Variants in FBXO17 observed in about 807,000 individuals in gnomAD.
FBXO17 encodes F-box protein 17.
A neutral mutation model predicts 34.1 loss-of-function variants in FBXO17; 43 were observed. The ratio of observed to expected loss-of-function variants is 1.26; its 90% CI spans 0.99 to 1.62. The LOEUF is 1.62. Among genes scored for constraint, FBXO17 ranks in the 40% most tolerant of loss-of-function variants. The probability of loss-of-function intolerance (pLI) is 0.00; values close to 1 mark genes in which losing one functional copy is unlikely to be tolerated. For synonymous variants in FBXO17, 169 were observed against 166.0 expected (o/e 1.02, Z -0.14); for missense variants, 424 against 386.7 (o/e 1.10, Z -0.81).
At chr19:38,951,806 C>T (rs553424527) in intron 1 of FBXO17, among the ~76,000 whole-genome samples, 31 of 124,222 alleles carry the variant, frequency 2.5e-4, no homozygotes, top group Non-Finnish European at 3.3e-5. Flanking sequence ...TGCACCACCA[C>T]ACCTGGCTAA....
At chr19:38,965,696 G>A (rs576130307) in intron 1 of FBXO17, among the ~76,000 whole-genome samples, 2 of 152,146 alleles carry the variant, frequency 1.3e-5, no homozygotes, top group East Asian at 1.9e-4. Flanking sequence ...TAGTAGAGAC[G>A]AGGTTTCGCC....
rs560937282 is a variant in FBXO17 at position 38,963,021 on chromosome 19, C to T, written c.-18+12565G>A. ...ATTGTGCCCAGTCTATTTCTACATT[C>T]GTTAGCATTCTCTTTATTTCTTAGT... On this transcript the variant is annotated intron_variant, in intron 1 of 5. Coordinates refer to ENST00000292852, the MANE Select transcript of FBXO17 (RefSeq NM_024907.7). Among the ~76,000 whole-genome samples the T allele has an allele frequency of 7.2e-5, 11 of 152,132 alleles. No individual in the cohort carries two copies. The South Asian group carries it at 1.5e-3, about 20-fold the overall frequency.
chr19:38,942,816 A>G (rs1037020574), intron 5 of FBXO17, 65 bp from the exon 6 acceptor site: 1 of 1,560,062 alleles, frequency 6.4e-7, no homozygotes, highest in Non-Finnish European at 8.6e-7. Flanking sequence ...CCACTTCAAC[A>G]GATAGGCCCA....
chr19:38,947,909 A>G (rs886846586), intron 3 of FBXO17, among the ~76,000 whole-genome samples: 18 of 151,218 alleles, frequency 1.2e-4, no homozygotes, highest in Admixed American at 1.1e-3. Context: ...TATCTATGTC[A>G]CAGGGTTGTT....
intron 3 of FBXO17, among the ~76,000 whole-genome samples, chr19:38,948,167 G>A (rs1020167611): frequency 6.6e-6 from 1 of 151,812 alleles, no homozygotes; most frequent in African/African-American, 2.4e-5. Context: ...GTAGAGACGG[G>A]GTTTCCCCCT....
chr19:38,957,337 T>C (rs2144828135), intron 1 of FBXO17, among the ~76,000 whole-genome samples: 1 of 152,192 alleles, frequency 6.6e-6, no homozygotes, highest in South Asian at 2.1e-4. Flanking sequence ...AGTTCTTAGT[T>C]CCCACTCTTC....
Position 38,949,988 on chromosome 19 carries a change from A to C in FBXO17, c.332T>G (p.Phe111Cys), listed in dbSNP as rs1278205411. ...LRAPFGRNLI[F>C]NSCGEQGFRG... The stretch of plus-strand genomic sequence containing the variant: ...TCACCCACGCTCTCCGCAGGAGTTG[A>C]AGATGAGATTGCGGCCGAAGGGCGC... The change falls in exon 2 of 6, where the codon TTC becomes TGC. Residue 111 changes from phenylalanine (F) to cysteine (C), a missense_variant. Phe to Cys is a radical substitution (Grantham distance 205, BLOSUM62 -2). Transcript: ENST00000292852. 2.6e-6 allele frequency: 4 copies of C among 1,548,166 alleles called. No homozygotes were observed. The highest frequency in any genetic ancestry group is 2.6e-6 in the Non-Finnish European group (3 of 1,148,284).
At chr19:38,946,884 T>G in intron 3 of FBXO17, 1 of 329,724 alleles carries the variant, frequency 3.0e-6, no homozygotes, top group African/African-American at 2.1e-5. Context: ...CTCTGTGGCC[T>G]CCTAAAGTGT....
Position 38,950,031 on chromosome 19 carries a change from C to T in FBXO17, c.289G>A (p.Ala97Thr). ...AAGGGCGCGCGCAGACAGTAGCGCG[C>T]CAGGGCGCACAGCGGGAACTCCTCC... Reference protein sequence around the residue: ...DKEEFPLCALARYCLRAPFGR... With the variant: ...DKEEFPLCALTRYCLRAPFGR... Residue 97 changes from alanine (A) to threonine (T), a missense_variant, in exon 2 of 6, where the codon GCG (alanine) becomes ACG (threonine). Coordinates refer to ENST00000292852, the MANE Select transcript of FBXO17 (RefSeq NM_024907.7). 6.4e-7 allele frequency: 1 copy of T among 1,564,962 alleles called. No homozygotes were observed. The highest frequency in any genetic ancestry group is 1.9e-5 in the Admixed American group (1 of 53,020).
At chr19:38,954,934 ATTATTATT>A (rs1247921247) in intron 1 of FBXO17, among the ~76,000 whole-genome samples, 6 of 117,068 alleles carry the variant, frequency 5.1e-5, no homozygotes, top group Non-Finnish European at 1.1e-4. Context: ...TATTATTATT[ATTATTATT>A]ATTTTTGAGA....
At chr19:38,968,405 G>A (rs1418387845) in intron 1 of FBXO17, among the ~76,000 whole-genome samples, 1 of 151,306 alleles carries the variant, frequency 6.6e-6, no homozygotes, top group Non-Finnish European at 1.5e-5. Flanking sequence ...AGGATCCCCT[G>A]AGTCCAGGAG....
intron 5 of FBXO17, among the ~76,000 whole-genome samples, chr19:38,943,897 C>A (rs1384115975): frequency 1.3e-5 from 2 of 152,146 alleles, no homozygotes; most frequent in Non-Finnish European, 2.9e-5. Flanking sequence ...GCCCAAAATT[C>A]ATTTTTTAAA....
intron 2 of FBXO17, 122 bp downstream of exon 2, chr19:38,949,849 G>A: frequency 1.6e-6 from 2 of 1,218,790 alleles, no homozygotes; most frequent in Non-Finnish European, 2.2e-6. Flanking sequence ...CCTCAGCCCC[G>A]CCCCCTGGCT....
chr19:38,946,591 G>A, intron 3 of FBXO17, 24 bp from the exon 4 acceptor site: 3 of 1,610,274 alleles, frequency 1.9e-6, no homozygotes, highest in South Asian at 1.1e-5. Flanking sequence ...ATGGCAGGGG[G>A]CAGGGCAAAC....
At position 38,950,151 on chromosome 19, in the gene FBXO17, T is replaced by C. The variant is rs765089821; in HGVS notation, c.169A>G (p.Thr57Ala). 9.6e-6 allele frequency: 15 copies of C among 1,563,162 alleles called. No individual in the cohort carries two copies. The highest frequency in any genetic ancestry group is 1.3e-5 in the Non-Finnish European group (15 of 1,159,394). Residue 57 changes from threonine to alanine, a missense_variant, in exon 2 of 6, where the codon ACT (threonine) becomes GCT (alanine). Physicochemically the swap from Thr to Ala is moderately conservative, Grantham distance 58 (BLOSUM62 0). Coordinates refer to ENST00000292852, the MANE Select transcript of FBXO17 (RefSeq NM_024907.7). ...RAWRDIVDGP[T>A]VWLLQLARDR... ...CGGGCCAGCTGCAGCAGCCACACAG[T>C]GGGCCCGTCCACTATGTCGCGCCAG... is the stretch of plus-strand genomic sequence containing the variant.
intron 1 of FBXO17, among the ~76,000 whole-genome samples, chr19:38,967,359 G>C (rs745366830): frequency 2.0e-5 from 3 of 152,050 alleles, no homozygotes; most frequent in Non-Finnish European, 4.4e-5. Context: ...AGAATCGCTT[G>C]AACCTGGGAG....
intron 1 of FBXO17, among the ~76,000 whole-genome samples, chr19:38,971,031 G>A (rs1975383996): frequency 6.6e-6 from 1 of 151,268 alleles, no homozygotes; most frequent in Non-Finnish European, 1.5e-5. Flanking sequence ...CCTGGGAGGT[G>A]GAGGTGGCAG....
intron 1 of FBXO17, among the ~76,000 whole-genome samples, chr19:38,955,459 T>C (rs1367947097): frequency 6.6e-6 from 1 of 151,698 alleles, no homozygotes; most frequent in East Asian, 1.9e-4. Flanking sequence ...CTGCTTCCAT[T>C]CTTTCTAAAA....
chr19:38,947,665 A>G (rs563538847), intron 3 of FBXO17, among the ~76,000 whole-genome samples: 17 of 152,284 alleles, frequency 1.1e-4, no homozygotes, highest in Non-Finnish European at 2.1e-4. Context: ...TAAACTGTAG[A>G]GGTGGCACCA....
Sources: gnomAD v4.1 joint callset for allele counts (sites outside exome capture counted in the v4.1 genomes callset) on GRCh38, gnomAD v4.1.1 for gene constraint, MANE v1.5 for transcripts, NCBI Gene and HGNC (gene_info 2026-07-23, HGNC 2026-07-21) for gene names.